The following SLC2A13 variants were observed in gnomAD, a reference collection of about 807,000 sequenced individuals.
SLC2A13 encodes the protein solute carrier family 2 member 13.
A neutral mutation model predicts 64.4 loss-of-function variants in SLC2A13; 32 were observed. The observed-to-expected ratio is 0.50, with a 90% CI of 0.37 to 0.67. The LOEUF (loss-of-function observed/expected upper bound fraction) is 0.67. SLC2A13 is among the 30% of genes least tolerant of loss of function. SLC2A13 has a pLI of 0.00. For missense variants in SLC2A13, 743 were observed against 829.2 expected (o/e 0.90, Z 1.28); for synonymous variants, 338 against 327.1 (o/e 1.03, Z -0.36).
At chr12:39,859,600 G>A (rs1943704594) in intron 6 of SLC2A13, among the ~76,000 whole-genome samples, 1 of 152,132 alleles carries the variant, frequency 6.6e-6, no homozygotes, top group Non-Finnish European at 1.5e-5. Flanking sequence ...TCAGCTCACT[G>A]CAACCTCTAC....
intron 4 of SLC2A13, among the ~76,000 whole-genome samples, chr12:39,908,536 A>C (rs1945351041): frequency 6.6e-6 from 1 of 151,878 alleles, no homozygotes; most frequent in African/African-American, 2.4e-5. Flanking sequence ...TTAGTAGAGA[A>C]GGAGAGAAAG....
At position 39,951,359 on chromosome 12, in the gene SLC2A13, G is replaced by T. The variant is rs1259089546; in HGVS notation, c.932C>A (p.Pro311His). Reference protein sequence around the residue: ...EEEKEVGSAGPVICRMLSYPP... With the variant: ...EEEKEVGSAGHVICRMLSYPP... The stretch of plus-strand genomic sequence containing the variant: ...ATAACTCAGCATTCTGCAGATCACA[G>T]GTCCAGCTTTTTTAAGAAAGAAAGA... The change falls in exon 4 of 10, where the codon CCT (proline) becomes CAT (histidine). Residue 311 changes from proline (P) to histidine (H), a missense_variant. Coordinates refer to ENST00000280871, the MANE Select transcript of SLC2A13 (RefSeq NM_052885.4). The T allele has an allele frequency of 1.2e-5, 18 of 1,557,718 alleles. No individual in the cohort carries two copies. Among genetic ancestry groups the T allele is most frequent in the Non-Finnish European group, 1.6e-5 (18 of 1,159,570 alleles).
intron 3 of SLC2A13, among the ~76,000 whole-genome samples, chr12:39,979,422 T>C (rs1362327492): frequency 7.1e-6 from 1 of 140,118 alleles, no homozygotes; most frequent in Admixed American, 7.0e-5. Flanking sequence ...TTGAAAACTT[T>C]GAAAAAAATT....
At chr12:39,942,405 T>C (rs1250967410) in intron 4 of SLC2A13, among the ~76,000 whole-genome samples, 2 of 152,208 alleles carry the variant, frequency 1.3e-5, no homozygotes, top group African/African-American at 4.8e-5. Context: ...TTTTGTAGTT[T>C]TCCCTGTAGA....
chr12:39,982,448 C>A (rs1946925792), intron 3 of SLC2A13, among the ~76,000 whole-genome samples: 1 of 150,862 alleles, frequency 6.6e-6, no homozygotes, highest in African/African-American at 2.4e-5. Context: ...AGCCCAAAAT[C>A]TCCTTAAGCT....
intron 3 of SLC2A13, among the ~76,000 whole-genome samples, chr12:39,980,258 G>C (rs1328443963): frequency 6.6e-6 from 1 of 151,798 alleles, no homozygotes; most frequent in Non-Finnish European, 1.5e-5. Context: ...GGAAGAAACT[G>C]CATCAACTAA....
intron 4 of SLC2A13, among the ~76,000 whole-genome samples, chr12:39,902,168 A>C (rs564414305): frequency 4.2e-4 from 57 of 134,936 alleles, no homozygotes; most frequent in Admixed American, 2.7e-3. Context: ...CAGGAATGAG[A>C]ACATCACACT....
intron 3 of SLC2A13, among the ~76,000 whole-genome samples, chr12:39,960,692 T>C (rs1257060604): frequency 2.0e-5 from 3 of 151,192 alleles, no homozygotes; most frequent in African/African-American, 7.3e-5. Flanking sequence ...TATTGGCTAG[T>C]ATTTTCAGTA....
intron 7 of SLC2A13, among the ~76,000 whole-genome samples, chr12:39,812,747 C>T (rs1028105499): frequency 3.3e-5 from 5 of 150,700 alleles, no homozygotes; most frequent in South Asian, 4.2e-4. Context: ...GCTGGGATTA[C>T]GGGCGTGAGT....
At chr12:39,800,762 C>T (rs1465891882) in intron 7 of SLC2A13, among the ~76,000 whole-genome samples, 77 of 4,342 alleles carry the variant, frequency 0.018, no homozygotes, top group African/African-American at 0.07. Context: ...ACCCAAAGGA[C>T]TATAAATCAT....
chr12:40,066,623 C>G (rs1022758900), intron 1 of SLC2A13, among the ~76,000 whole-genome samples: 2 of 152,102 alleles, frequency 1.3e-5, no homozygotes, highest in African/African-American at 4.8e-5. Flanking sequence ...AGTGATGTAG[C>G]TGGAGACAAA....
chr12:39,761,098 A>G (rs1940126928), intron 9 of SLC2A13, among the ~76,000 whole-genome samples: 1 of 151,988 alleles, frequency 6.6e-6, no homozygotes, highest in Non-Finnish European at 1.5e-5. Context: ...TGTGTATGAG[A>G]TGGGGGAAGT....
At chr12:40,052,211 T>C (rs1948270669) in intron 1 of SLC2A13, among the ~76,000 whole-genome samples, 1 of 152,120 alleles carries the variant, frequency 6.6e-6, no homozygotes, top group Non-Finnish European at 1.5e-5. Context: ...TTGTGAAATA[T>C]AGAAGTAGAT....
chr12:40,065,257 T>G (rs1937676111), intron 1 of SLC2A13, among the ~76,000 whole-genome samples: 1 of 152,116 alleles, frequency 6.6e-6, no homozygotes, highest in African/African-American at 2.4e-5. Context: ...CAAATCTCTC[T>G]GCTACCCTGT....
intron 6 of SLC2A13, among the ~76,000 whole-genome samples, chr12:39,848,260 A>T (rs576537230): frequency 6.6e-6 from 1 of 152,326 alleles, no homozygotes; most frequent in African/African-American, 2.4e-5. Flanking sequence ...AATGTGAAAA[A>T]ACATTTACAA....
intron 7 of SLC2A13, among the ~76,000 whole-genome samples, chr12:39,816,013 A>G (rs964336800): frequency 6.6e-6 from 1 of 152,204 alleles, no homozygotes; most frequent in Non-Finnish European, 1.5e-5. Flanking sequence ...TCAATTAGCT[A>G]TTCTCTAGAC....
chr12:39,968,761 T>TATAG (rs1946581128), intron 3 of SLC2A13, among the ~76,000 whole-genome samples: 2 of 105,260 alleles, frequency 1.9e-5, no homozygotes, highest in African/African-American at 9.7e-5. Context: ...TTTTTTTTGG[T>TATAG]ATATATATAT....
chr12:39,929,290 CACCCAT>C (rs1945780721), intron 4 of SLC2A13, among the ~76,000 whole-genome samples: 1 of 152,104 alleles, frequency 6.6e-6, no homozygotes. Flanking sequence ...CAGTGGCTAA[CACCCAT>C]AATCCCAGCA....
chr12:40,082,974 G>A (rs1009273312), intron 1 of SLC2A13, among the ~76,000 whole-genome samples: 10 of 151,988 alleles, frequency 6.6e-5, no homozygotes, highest in African/African-American at 2.2e-4. Flanking sequence ...CCTTCTTTCT[G>A]AAGATCTGTT....
Sources: gnomAD v4.1 joint callset for allele counts (sites outside exome capture counted in the v4.1 genomes callset) on GRCh38, gnomAD v4.1.1 for gene constraint, MANE v1.5 for transcripts, NCBI Gene and HGNC (gene_info 2026-07-23, HGNC 2026-07-21) for gene names.